The following COP1 variants were observed in gnomAD, a reference collection of about 807,000 sequenced individuals.
The protein encoded by COP1 is E3 ubiquitin-protein ligase COP1.
In COP1, 24 loss-of-function variants were observed where a neutral mutation model predicts 101.3. The observed-to-expected ratio is 0.24, with a 90% CI of 0.17 to 0.33. COP1 has a LOEUF of 0.33. Among genes scored for constraint, COP1 ranks in the 10% least tolerant of loss-of-function variants. The pLI, the probability that COP1 is intolerant of heterozygous loss-of-function variation, is 1.00. For synonymous variants in COP1, 347 were observed against 341.9 expected, an observed-to-expected ratio of 1.01 and a Z score of -0.17; for missense variants, 663 against 906.2, an observed-to-expected ratio of 0.73 and a Z score of 3.45.
intron 15 of COP1, among the ~76,000 whole-genome samples, chr1:175,993,450 T>A (rs1659211468): frequency 6.6e-6 from 1 of 152,150 alleles, no homozygotes; most frequent in African/African-American, 2.4e-5. Context: ...TACTCTGAGC[T>A]ACAGGAGGAA....
intron 9 of COP1, among the ~76,000 whole-genome samples, chr1:176,116,372 A>G (rs1686187157): frequency 6.6e-6 from 1 of 152,206 alleles, no homozygotes; most frequent in Admixed American, 6.5e-5. Context: ...AAACAAAAAC[A>G]AAGCAAAACA....
At chr1:175,985,863 AAT>A (rs1656990972) in intron 18 of COP1, among the ~76,000 whole-genome samples, 1 of 152,194 alleles carries the variant, frequency 6.6e-6, no homozygotes, top group African/African-American at 2.4e-5. Flanking sequence ...ACAGCAATAG[AAT>A]ATATCAAATT....
chr1:176,101,901 A>T (rs1683468072), intron 9 of COP1, among the ~76,000 whole-genome samples: 1 of 152,152 alleles, frequency 6.6e-6, no homozygotes, highest in Non-Finnish European at 1.5e-5. Context: ...AGTTAAGATT[A>T]ATCTTCCTCC....
At chr1:176,134,073 TTAAC>T (rs1689402397) in intron 8 of COP1, among the ~76,000 whole-genome samples, 1 of 152,016 alleles carries the variant, frequency 6.6e-6, no homozygotes, top group Non-Finnish European at 1.5e-5. Context: ...TGAATTCTCC[TTAAC>T]TAGAACATCC....
At chr1:176,082,633 C>T (rs936607620) in intron 10 of COP1, among the ~76,000 whole-genome samples, 1 of 151,706 alleles carries the variant, frequency 6.6e-6, no homozygotes, top group African/African-American at 2.4e-5. Flanking sequence ...ATGGAGAAAC[C>T]CTGTCTCTAC....
Position 176,207,231 on chromosome 1 carries a change from TC to T in COP1, c.-254del. On this transcript the variant is annotated 5_prime_UTR_variant, in exon 1 of 20. Transcript: ENST00000367669. ...GTCGAGGCCGCCGCCGCCACCGCGG[TC>T]CCTGTAGCAGCCAACCCCGGCGCGC... 2.5e-6 allele frequency: 1 copy of T among 399,720 alleles called. No homozygotes were observed. The highest frequency in any genetic ancestry group is 4.4e-6 in the Non-Finnish European group (1 of 227,314). The allele number at this position is 399,720 out of a possible 1,614,324, so 24.8% of individuals were successfully genotyped here.
In COP1 at chr1:176,163,812, T is replaced by C. The variant is rs778062633; in HGVS notation, c.642+3A>G. On this transcript the variant is annotated splice_donor_region_variant and intron_variant, in intron 4 of 19. Coordinates refer to ENST00000367669, the MANE Select transcript of COP1 (RefSeq NM_022457.7). Reference sequence around the variant, plus strand: ...AAAAATAGTAATAAGAGTTGAAACATACGGTGCTACTCACTGAGTGGTCCA... The same window carrying C: ...AAAAATAGTAATAAGAGTTGAAACACACGGTGCTACTCACTGAGTGGTCCA... The C allele has an allele frequency of 2.6e-6, 4 of 1,551,960 alleles. No individual in the cohort carries two copies. Among genetic ancestry groups the C allele is most frequent in the East Asian group, 4.5e-5 (2 of 44,072 alleles).
chr1:176,043,540 A>C (rs984170644), intron 13 of COP1, among the ~76,000 whole-genome samples, 170 bp downstream of exon 13: 1 of 152,230 alleles, frequency 6.6e-6, no homozygotes, highest in Non-Finnish European at 1.5e-5. Flanking sequence ...TATGGTACCA[A>C]AAGTGGGAGA....
intron 15 of COP1, among the ~76,000 whole-genome samples, chr1:176,007,344 CGTCAAA>C (rs1380207209): frequency 2.6e-5 from 4 of 152,182 alleles, no homozygotes; most frequent in Non-Finnish European, 5.9e-5. Context: ...TCTCTCAGCT[CGTCAAA>C]GTCATTCTCC....
chr1:176,045,581 G>GA (rs533930344), intron 12 of COP1, among the ~76,000 whole-genome samples: 23,726 of 100,972 alleles, frequency 0.23, 2,565 homozygotes, highest in Middle Eastern at 0.39. Flanking sequence ...TGTTTAGAAG[G>GA]AAAAAAAAAA....
intron 1 of COP1, among the ~76,000 whole-genome samples, chr1:176,202,351 G>A (rs1700352515): frequency 6.6e-6 from 1 of 151,824 alleles, no homozygotes; most frequent in African/African-American, 2.4e-5. Context: ...CACCACACAG[G>A]CTAATTTTTG....
intron 9 of COP1, among the ~76,000 whole-genome samples, chr1:176,093,963 T>G (rs943425038): frequency 6.6e-6 from 1 of 150,802 alleles, no homozygotes; most frequent in African/African-American, 2.4e-5. Flanking sequence ...GCGGAGGTTG[T>G]AGTAAGCTGA....
chr1:176,055,254 T>A (rs1313736215), intron 11 of COP1, among the ~76,000 whole-genome samples: 2 of 152,142 alleles, frequency 1.3e-5, no homozygotes, highest in African/African-American at 4.8e-5. Flanking sequence ...GCCAACACGA[T>A]GAAATCCAGC....
chr1:175,992,149 T>C (rs1409393442), intron 15 of COP1, among the ~76,000 whole-genome samples: 1 of 152,200 alleles, frequency 6.6e-6, no homozygotes, highest in Non-Finnish European at 1.5e-5. Flanking sequence ...GATACAGGCA[T>C]GCAATGCATA....
chr1:175,960,065 G>A (rs976124834), intron 18 of COP1, among the ~76,000 whole-genome samples: 8 of 152,072 alleles, frequency 5.3e-5, no homozygotes, highest in Admixed American at 2.0e-4. Flanking sequence ...GAGGTCTGTA[G>A]GCTTCTCTTA....
chr1:176,018,097 C>T (rs1665999372), intron 15 of COP1, among the ~76,000 whole-genome samples: 1 of 152,086 alleles, frequency 6.6e-6, no homozygotes, highest in African/African-American at 2.4e-5. Context: ...TACAGTTGGC[C>T]CTGGTTTCCA....
rs577264169 is a variant in COP1, at chr1:175,944,945, T to C, written c.*208A>G. ...GAGCAGCAATGTCCATGGAGTTACA[T>C]TGATGGTGGAGAGTTGGCTGGGTAT... On this transcript the variant is annotated 3_prime_UTR_variant, in exon 20 of 20. Transcript: ENST00000367669. The C allele has an allele frequency of 1.4e-4, 77 of 542,238 alleles. No homozygotes were observed. Among genetic ancestry groups the C allele is most frequent in the African/African-American group, 1.1e-3 (53 of 49,586 alleles). The allele number at this position is 542,238 out of a possible 1,614,324, so 33.6% of individuals were successfully genotyped here.
Position 176,163,794 on chromosome 1 carries a change from GTAA to G in COP1, c.642+18_642+20del, listed in dbSNP as rs1694705337. 7.2e-7 allele frequency: 1 copy of G among 1,389,314 alleles called. No homozygotes were observed. Among genetic ancestry groups the G allele is most frequent in the Non-Finnish European group, 9.9e-7 (1 of 1,008,256 alleles). 86.1% of individuals were successfully genotyped at this position (1,389,314 alleles called of 1,614,324 possible). On this transcript the variant is annotated intron_variant, in intron 4 of 19. Transcript: ENST00000367669. ...AACAAAATGAAATTTATTAAAAATA[GTAA>G]TAAGAGTTGAAACATACGGTGCTAC...
At chr1:175,969,199 T>C (rs1652745311) in intron 18 of COP1, among the ~76,000 whole-genome samples, 1 of 152,186 alleles carries the variant, frequency 6.6e-6, no homozygotes, top group Admixed American at 6.5e-5. Flanking sequence ...GACATTCAAT[T>C]TCTCCAAATA....
Sources: allele counts gnomAD v4.1 joint callset (sites outside exome capture counted in the v4.1 genomes callset), GRCh38; gene constraint gnomAD v4.1.1; transcripts MANE v1.5; gene names NCBI Gene and HGNC (gene_info 2026-07-23, HGNC 2026-07-21).